Variants in PHAF1 observed in about 807,000 individuals in gnomAD.
PHAF1 encodes the protein phagophore assembly factor 1.
PHAF1 carries 23 observed loss-of-function variants against 63.1 expected under a neutral mutation model. That is an observed-to-expected ratio of 0.36 (90% CI 0.26 to 0.52). The LOEUF is 0.52. Ranked by LOEUF, PHAF1 falls within the 20% of genes least tolerant of loss-of-function variation. The probability of loss-of-function intolerance (pLI) is 0.93; values close to 1 mark genes in which losing one functional copy is unlikely to be tolerated. For synonymous variants in PHAF1, 167 were observed against 185.0 expected (o/e 0.90, Z 0.79); for missense variants, 427 against 517.2 (o/e 0.83, Z 1.69).
intron 2 of PHAF1, among the ~76,000 whole-genome samples, chr16:67,125,634 A>G (rs1035970515): frequency 1.8e-4 from 28 of 152,190 alleles, no homozygotes; most frequent in Admixed American, 2.6e-4. Context: ...TTCATTTTGC[A>G]GATGTGGACC....
At chr16:67,137,743 C>G (rs1320672405) in intron 8 of PHAF1, among the ~76,000 whole-genome samples, 1 of 152,126 alleles carries the variant, frequency 6.6e-6, no homozygotes, top group East Asian at 1.9e-4. Flanking sequence ...ATTAATCATC[C>G]CAGGAGACAG....
chr16:67,126,867 C>T (rs1963212991), intron 3 of PHAF1, among the ~76,000 whole-genome samples: 1 of 150,172 alleles, frequency 6.7e-6, no homozygotes. Flanking sequence ...GGATTACAGG[C>T]GTGAGCCACC....
intron 8 of PHAF1, chr16:67,134,811 G>A: frequency 2.2e-6 from 1 of 452,308 alleles, no homozygotes. Context: ...CTTCCATAAT[G>A]TAATCACCTC....
At chr16:67,144,472 C>A in intron 11 of PHAF1, 96 bp downstream of exon 11, 2 of 863,122 alleles carry the variant, frequency 2.3e-6, no homozygotes, top group Non-Finnish European at 3.8e-6. Context: ...ACTAATTTAT[C>A]TACACCTGAA....
chr16:67,133,961 AAAG>A (rs749188531), intron 6 of PHAF1, among the ~76,000 whole-genome samples: 1 of 151,668 alleles, frequency 6.6e-6, no homozygotes, highest in Non-Finnish European at 1.5e-5. Flanking sequence ...AAAGAAAAAA[AAAG>A]AAAAGGAAAA....
At chr16:67,134,295 A>G in intron 7 of PHAF1, 30 bp downstream of exon 7, 2 of 1,607,974 alleles carry the variant, frequency 1.2e-6, no homozygotes, top group East Asian at 2.2e-5. Context: ...GTTTCTTGCT[A>G]AGGCCTGGGC....
chr16:67,129,123 AT>A, intron 3 of PHAF1, among the ~76,000 whole-genome samples: 1 of 152,230 alleles, frequency 6.6e-6, no homozygotes, highest in African/African-American at 2.4e-5. Flanking sequence ...CCAGTTTGGC[AT>A]GATATATTCC....
chr16:67,130,239 C>T (rs938291170), intron 3 of PHAF1, among the ~76,000 whole-genome samples: 7 of 151,610 alleles, frequency 4.6e-5, no homozygotes, highest in East Asian at 1.9e-4. Context: ...AGTAGAGACA[C>T]GGTTTCACCG....
rs927413884 is a variant in PHAF1 at position 67,142,941 on chromosome 16, A to T, written c.880-1353A>T. ...TTGCTGCCATCAATAGGTGACAGGG[A>T]AGATGGAGAGAATGGACTGGCCTCA... On this transcript the variant is annotated intron_variant, in intron 10 of 15. Transcript: ENST00000219139. Among the ~76,000 whole-genome samples, 7 of 152,240 alleles carry T rather than the reference A, an allele frequency of 4.6e-5. No homozygotes were observed. The South Asian group carries it at 1.2e-3, about 27-fold the overall frequency.
At chr16:67,128,687 A>G (rs955756136) in intron 3 of PHAF1, among the ~76,000 whole-genome samples, 1 of 152,204 alleles carries the variant, frequency 6.6e-6, no homozygotes, top group Non-Finnish European at 1.5e-5. Flanking sequence ...CATGGGCTTT[A>G]GCCTTCCCAG....
At chr16:67,116,295 C>T (rs1042092485) in intron 1 of PHAF1, among the ~76,000 whole-genome samples, 3 of 152,196 alleles carry the variant, frequency 2.0e-5, no homozygotes, top group African/African-American at 7.2e-5. Flanking sequence ...TTGCCTTCAA[C>T]TTTCTTCAGA....
Position 67,143,571 on chromosome 16 carries a change from C to G in PHAF1, c.880-723C>G, listed in dbSNP as rs376176508. ...TGGTTTCCTCATCTGTAAAGAGGAACCTGCCTTGAAAGTTTGTAAAGCACC... is the reference window on the plus strand; with the variant it reads ...TGGTTTCCTCATCTGTAAAGAGGAAGCTGCCTTGAAAGTTTGTAAAGCACC... On this transcript the variant is annotated intron_variant, in intron 10 of 15. Coordinates refer to ENST00000219139, the MANE Select transcript of PHAF1 (RefSeq NM_025187.5). Among the ~76,000 whole-genome samples, 13 of 152,286 alleles carry G rather than the reference C, an allele frequency of 8.5e-5. No individual in the cohort carries two copies. The East Asian group carries it at 2.5e-3, about 29-fold the overall frequency.
intron 3 of PHAF1, among the ~76,000 whole-genome samples, chr16:67,128,592 G>C (rs560077476): frequency 1.1e-4 from 16 of 152,316 alleles, no homozygotes; most frequent in African/African-American, 3.4e-4. Context: ...ACAGCCACCT[G>C]TCTTTTCCAT....
At position 67,137,684 on chromosome 16, in the gene PHAF1, C is replaced by A. The variant is rs1218477092; in HGVS notation, c.662-2300C>A. Among the ~76,000 whole-genome samples, 5 of 151,720 alleles carry A rather than the reference C, an allele frequency of 3.3e-5. No individual in the cohort carries two copies. The East Asian group carries it at 7.7e-4, about 23-fold the overall frequency. On this transcript the variant is annotated intron_variant, in intron 8 of 15. Coordinates refer to ENST00000219139, the MANE Select transcript of PHAF1 (RefSeq NM_025187.5). ...GTCAAGTGATTTAGTGTGGTTTTTT[C>A]CCAAGAGGATCACTGCTTGAAACAG...
chr16:67,113,221 C>T (rs1336049338), intron 1 of PHAF1, among the ~76,000 whole-genome samples: 3 of 152,194 alleles, frequency 2.0e-5, no homozygotes, highest in African/African-American at 4.8e-5. Flanking sequence ...TGTGCAAATG[C>T]AGATGCAATT....
At position 67,147,646 on chromosome 16, in the gene PHAF1, C is replaced by G. The variant is rs915280921; in HGVS notation, c.*515C>G. ...GCTGGCTGTGGCCAGGGTGGCCCACCTGCCCTTCCCTGTTCCTTTCTTGCA... is the reference window on the plus strand; with the variant it reads ...GCTGGCTGTGGCCAGGGTGGCCCACGTGCCCTTCCCTGTTCCTTTCTTGCA... On this transcript the variant is annotated 3_prime_UTR_variant, in exon 16 of 16. Coordinates refer to ENST00000219139, the MANE Select transcript of PHAF1 (RefSeq NM_025187.5). The G allele has an allele frequency of 6.5e-6, 1 of 153,894 alleles. No homozygotes were observed. The highest frequency in any genetic ancestry group is 1.5e-5 in the Non-Finnish European group (1 of 68,918). 9.5% of individuals were successfully genotyped at this position (153,894 alleles called of 1,614,324 possible). A position where few individuals can be genotyped will look rare whatever the true frequency, so the allele number is the denominator to read the frequency against.
At chr16:67,126,140 G>A (rs1963179776) in intron 3 of PHAF1, 98 bp downstream of exon 3, 2 of 929,208 alleles carry the variant, frequency 2.2e-6, no homozygotes, top group Non-Finnish European at 3.4e-6. Flanking sequence ...AAACTTATAA[G>A]TAGGTGTGGA....
chr16:67,147,064 T>C lies in PHAF1; in HGVS notation c.1202T>C (p.Ile401Thr). ...CACCAGGTCATGCAGAACAACCACA[T>C]TGCCTCGGTGACCCTGTATGGCCCC... The part of the protein sequence containing the change: ...MIFEVMQNNH[I>T]ASVTLYGPPR... Residue 401 changes from isoleucine to threonine, a missense_variant, in exon 16 of 16, where the codon ATT becomes ACT. Transcript: ENST00000219139. 2 of 1,613,918 alleles carry C rather than the reference T, an allele frequency of 1.2e-6. No individual in the cohort carries two copies. The highest frequency in any genetic ancestry group is 1.7e-6 in the Non-Finnish European group (2 of 1,179,912).
chr16:67,142,859 G>A (rs537018426), intron 10 of PHAF1, among the ~76,000 whole-genome samples: 4 of 152,296 alleles, frequency 2.6e-5, no homozygotes, highest in South Asian at 4.1e-4. Context: ...CAGAGGTCCC[G>A]GCCACACTTC....
Sources: gnomAD v4.1 joint callset for allele counts (sites outside exome capture counted in the v4.1 genomes callset) on GRCh38, gnomAD v4.1.1 for gene constraint, MANE v1.5 for transcripts, NCBI Gene and HGNC (gene_info 2026-07-23, HGNC 2026-07-21) for gene names.